AFF3: variants seen among roughly 807,000 people sequenced by gnomAD.
AFF3 encodes ALF transcription elongation factor 3, also known as AF4/FMR2 family member 3.
In AFF3, 32 loss-of-function variants were observed where a neutral mutation model predicts 129.7. That is an observed-to-expected ratio of 0.25 (90% CI 0.19 to 0.33). AFF3 has a LOEUF of 0.33. Among genes scored for constraint, AFF3 ranks in the 10% least tolerant of loss-of-function variants. The pLI, the probability that AFF3 is intolerant of heterozygous loss-of-function variation, is 1.00. For missense variants in AFF3, 1,373 were observed against 1,592.0 expected (o/e 0.86, Z 2.34); for synonymous variants, 644 against 635.4 (o/e 1.01, Z -0.20).
At chr2:99,818,311 T>C (rs569735586) in intron 8 of AFF3, among the ~76,000 whole-genome samples, 1 of 152,324 alleles carries the variant, frequency 6.6e-6, no homozygotes, top group African/African-American at 2.4e-5. Flanking sequence ...AAAGTACTTA[T>C]TGAGACTATT....
intron 8 of AFF3, among the ~76,000 whole-genome samples, chr2:99,805,813 T>TACAC (rs3072357): frequency 0.21 from 29,920 of 142,702 alleles, 3,431 homozygotes; most frequent in South Asian, 0.38. Flanking sequence ...GCAGGAGTCT[T>TACAC]ACACACACAC....
chr2:99,940,563 T>A (rs1317890824), intron 7 of AFF3, among the ~76,000 whole-genome samples: 1 of 152,166 alleles, frequency 6.6e-6, no homozygotes, highest in African/African-American at 2.4e-5. Flanking sequence ...ACCAGCACCA[T>A]GACAGTTTAC....
intron 7 of AFF3, among the ~76,000 whole-genome samples, chr2:99,963,543 T>C (rs1372163257): frequency 1.3e-5 from 2 of 152,092 alleles, no homozygotes; most frequent in South Asian, 2.1e-4. Flanking sequence ...AAAACACTGA[T>C]AGTGGCTGTG....
At chr2:99,772,576 G>GT (rs1683578899) in intron 8 of AFF3, among the ~76,000 whole-genome samples, 1 of 152,054 alleles carries the variant, frequency 6.6e-6, no homozygotes, top group Non-Finnish European at 1.5e-5. Context: ...TCTAGCATTT[G>GT]TTTTTTCTTC....
intron 7 of AFF3, among the ~76,000 whole-genome samples, chr2:99,934,511 T>A (rs950969165): frequency 6.6e-6 from 1 of 151,952 alleles, no homozygotes; most frequent in African/African-American, 2.4e-5. Flanking sequence ...GCCAATGACA[T>A]GTAAAGCAAA....
At chr2:99,850,993 A>C (rs1444814050) in intron 7 of AFF3, among the ~76,000 whole-genome samples, 1 of 152,210 alleles carries the variant, frequency 6.6e-6, no homozygotes, top group Non-Finnish European at 1.5e-5. Flanking sequence ...GTATGCTTCT[A>C]ATTAGCAAGC....
chr2:99,696,586 C>A (rs926711993), intron 11 of AFF3, among the ~76,000 whole-genome samples: 2 of 152,162 alleles, frequency 1.3e-5, no homozygotes, highest in East Asian at 1.9e-4. Context: ...AAGCCCAGAG[C>A]ATGGACTAAC....
At chr2:100,058,445 T>C (rs190122614) in intron 4 of AFF3, among the ~76,000 whole-genome samples, 2 of 152,290 alleles carry the variant, frequency 1.3e-5, no homozygotes, top group East Asian at 1.9e-4. Flanking sequence ...AAAAAAAATA[T>C]ATAAACATTG....
At chr2:99,724,495 A>G (rs1318625478) in intron 11 of AFF3, among the ~76,000 whole-genome samples, 1 of 151,212 alleles carries the variant, frequency 6.6e-6, no homozygotes, top group African/African-American at 2.4e-5. Flanking sequence ...CTGGTTTCAA[A>G]CTTCTGACTT....
At chr2:99,867,577 A>T (rs1308577000) in intron 7 of AFF3, among the ~76,000 whole-genome samples, 5 of 35,684 alleles carry the variant, frequency 1.4e-4, no homozygotes, top group East Asian at 5.5e-4. Flanking sequence ...TTTCTATATT[A>T]AAAAAAAAAA....
At chr2:99,894,717 C>T (rs541954981) in intron 7 of AFF3, among the ~76,000 whole-genome samples, 3 of 152,120 alleles carry the variant, frequency 2.0e-5, no homozygotes, top group African/African-American at 4.8e-5. Context: ...CCTCGTGATC[C>T]GCCTACCTCG....
At chr2:99,858,214 G>A (rs1478968654) in intron 7 of AFF3, among the ~76,000 whole-genome samples, 1 of 152,100 alleles carries the variant, frequency 6.6e-6, no homozygotes, top group Non-Finnish European at 1.5e-5. Context: ...GTTCCAGCCT[G>A]GGCTGGCAGG....
intron 13 of AFF3, among the ~76,000 whole-genome samples, chr2:99,616,263 A>T (rs1330580130): frequency 6.6e-6 from 1 of 152,022 alleles, no homozygotes; most frequent in Non-Finnish European, 1.5e-5. Context: ...GGCCTTTTGG[A>T]TAGTGCGGCC....
intron 4 of AFF3, among the ~76,000 whole-genome samples, chr2:100,068,930 T>C (rs962653314): frequency 5.9e-5 from 9 of 152,152 alleles, no homozygotes; most frequent in Non-Finnish European, 1.3e-4. Context: ...TATTTTTTTC[T>C]CCTTAGATGG....
At chr2:99,585,830 G>A (rs1322773295) in intron 16 of AFF3, among the ~76,000 whole-genome samples, 1 of 152,172 alleles carries the variant, frequency 6.6e-6, no homozygotes, top group Non-Finnish European at 1.5e-5. Context: ...CCGGGTTTGA[G>A]CGATTCTCTG....
chr2:99,642,155 G>T (rs555890289), intron 13 of AFF3, among the ~76,000 whole-genome samples: 1 of 152,342 alleles, frequency 6.6e-6, no homozygotes, highest in East Asian at 1.9e-4. Flanking sequence ...AGGAGAGGGA[G>T]GGAGGAGCCA....
At chr2:99,781,637 A>G (rs1684418342) in intron 8 of AFF3, among the ~76,000 whole-genome samples, 1 of 152,238 alleles carries the variant, frequency 6.6e-6, no homozygotes, top group Non-Finnish European at 1.5e-5. Flanking sequence ...CTCAAAGCCT[A>G]AAATGTTGAC....
At chr2:99,643,450 C>T (rs1012222845) in intron 13 of AFF3, among the ~76,000 whole-genome samples, 56 of 152,258 alleles carry the variant, frequency 3.7e-4, no homozygotes, top group African/African-American at 1.1e-3. Flanking sequence ...CCTGCCAGCA[C>T]GCCACCATAA....
intron 22 of AFF3, 142 bp from the exon 23 acceptor site, chr2:99,554,874 G>C (rs1674774202): frequency 2.2e-6 from 2 of 891,248 alleles, no homozygotes; most frequent in East Asian, 2.6e-5. Flanking sequence ...ACTGGACCTG[G>C]GAAGTCTCCA....
Sources: gnomAD v4.1 joint callset for allele counts (sites outside exome capture counted in the v4.1 genomes callset) on GRCh38, gnomAD v4.1.1 for gene constraint, MANE v1.5 for transcripts, NCBI Gene and HGNC (gene_info 2026-07-23, HGNC 2026-07-21) for gene names.